RNF144B: variants seen among roughly 807,000 people sequenced by gnomAD.
RNF144B encodes the protein E3 ubiquitin-protein ligase RNF144B.
In RNF144B, 25 loss-of-function variants were observed where a neutral mutation model predicts 40.2. That is an observed-to-expected ratio of 0.62 (90% CI 0.45 to 0.87). The LOEUF is 0.87. Among genes scored for constraint, RNF144B ranks in the 40% least tolerant of loss-of-function variants. The probability of loss-of-function intolerance (pLI) is 0.00; values close to 1 mark genes in which losing one functional copy is unlikely to be tolerated. For missense variants in RNF144B, 365 were observed against 373.7 expected, an observed-to-expected ratio of 0.98 and a Z score of 0.19; for synonymous variants, 145 against 136.3, an observed-to-expected ratio of 1.06 and a Z score of -0.44.
intron 1 of RNF144B, among the ~76,000 whole-genome samples, chr6:18,399,289 G>A (rs1794750637): frequency 6.6e-6 from 1 of 152,132 alleles, no homozygotes; most frequent in South Asian, 2.1e-4. Flanking sequence ...TGTGAATCAG[G>A]ACAGTGAGGT....
At position 18,458,141 on chromosome 6, in the gene RNF144B, T is replaced by C. The variant is rs1175144357; in HGVS notation, c.536+782T>C. Reference sequence around the variant, plus strand: ...TTAGTAGAGATGGGGTTTCACCATATTGGCCAGGCTGGTCTTGAAATCCTG... The same window carrying C: ...TTAGTAGAGATGGGGTTTCACCATACTGGCCAGGCTGGTCTTGAAATCCTG... On this transcript the variant is annotated intron_variant, in intron 5 of 7. Transcript: ENST00000259939. This position sits in a 1 kb window ranked among gnomAD's most constrained non-coding sequence, Gnocchi z 4.8. 6.6e-6 allele frequency among the ~76,000 whole-genome samples: 1 copy of C among 152,136 alleles called. No individual in the cohort carries two copies. The highest frequency in any genetic ancestry group is 2.4e-5 in the African/African-American group (1 of 41,416).
In RNF144B at chr6:18,465,059, AC is replaced by A; in HGVS notation, c.905del (p.Thr302LysfsTer21). ...RGKKKKHDPS[T>X]T ...CAAGAAGAAAAAGCACGACCCATCCACAACCTAAAGATCTCTGTGTTCATAC... is the reference window on the plus strand; with the variant it reads ...CAAGAAGAAAAAGCACGACCCATCCAAACCTAAAGATCTCTGTGTTCATAC... On this transcript the variant is annotated frameshift_variant, in exon 8 of 8. Coordinates refer to ENST00000259939, the MANE Select transcript of RNF144B (RefSeq NM_182757.4). LOFTEE classifies it high-confidence loss of function. 6.2e-7 allele frequency: 1 copy of A among 1,613,674 alleles called. No individual in the cohort carries two copies. The highest frequency in any genetic ancestry group is 8.5e-7 in the Non-Finnish European group (1 of 1,179,850).
At chr6:18,435,186 C>T (rs2113509321) in intron 3 of RNF144B, among the ~76,000 whole-genome samples, 1 of 152,186 alleles carries the variant, frequency 6.6e-6, no homozygotes, top group East Asian at 1.9e-4. Context: ...TTCTGTTTAA[C>T]AATAAATAAA....
chr6:18,407,492 T>A (rs980010360), intron 2 of RNF144B, among the ~76,000 whole-genome samples: 1 of 152,206 alleles, frequency 6.6e-6, no homozygotes, highest in African/African-American at 2.4e-5. Flanking sequence ...CATATATAGC[T>A]CTACTCTTTT....
At chr6:18,408,522 G>A (rs965295920) in intron 2 of RNF144B, among the ~76,000 whole-genome samples, 13 of 152,170 alleles carry the variant, frequency 8.5e-5, no homozygotes, top group African/African-American at 3.1e-4. Context: ...CATGACTGTA[G>A]TGGAAACTGT....
chr6:18,397,544 G>A (rs1372958309), intron 1 of RNF144B, among the ~76,000 whole-genome samples: 1 of 152,144 alleles, frequency 6.6e-6, no homozygotes, highest in Admixed American at 6.5e-5. Context: ...CTCTTTTAAA[G>A]ATAAAGATTC....
rs186881783 is a variant in RNF144B, at chr6:18,446,068, C to T, written c.331+6324C>T. 8.5e-4 allele frequency among the ~76,000 whole-genome samples: 129 copies of T among 152,330 alleles called. No individual in the cohort carries two copies. The highest frequency in any genetic ancestry group is 1.5e-3 in the Non-Finnish European group (101 of 68,030). ...AGCTCTTCATGTGATAGCAATCTGA[C>T]TTCCAGCTGGTGTCTACCAGTTTGT... On this transcript the variant is annotated intron_variant, in intron 4 of 7. Transcript: ENST00000259939. This position sits in a 1 kb window ranked among gnomAD's most constrained non-coding sequence, Gnocchi z 4.7.
Position 18,464,417 on chromosome 6 carries a change from G to T in RNF144B, c.772-510G>T, listed in dbSNP as rs9477753. 0.17 allele frequency among the ~76,000 whole-genome samples: 26,094 copies of T among 152,172 alleles called. 2,422 individuals carry two copies. The highest frequency in any genetic ancestry group is 0.26 in the African/African-American group (10,877 of 41,514). On this transcript the variant is annotated intron_variant, in intron 7 of 7. Coordinates refer to ENST00000259939, the MANE Select transcript of RNF144B (RefSeq NM_182757.4). The surrounding 1 kb of genome is among the most constrained non-coding windows in gnomAD (Gnocchi z 6.1). Reference sequence around the variant, plus strand: ...ATCTCTCTGGCTTCTCTCCAATTCAGATCATTGCTGGGCACTAGCTGAAAG... The same window carrying T: ...ATCTCTCTGGCTTCTCTCCAATTCATATCATTGCTGGGCACTAGCTGAAAG...
At chr6:18,390,703 C>T (rs185865615) in intron 1 of RNF144B, among the ~76,000 whole-genome samples, 93 of 152,348 alleles carry the variant, frequency 6.1e-4, no homozygotes, top group Admixed American at 3.8e-3. Flanking sequence ...AACAAGACAA[C>T]TCGTTTCTGT....
chr6:18,424,519 G>A (rs975972828), intron 2 of RNF144B, among the ~76,000 whole-genome samples: 3 of 152,120 alleles, frequency 2.0e-5, no homozygotes, highest in Non-Finnish European at 4.4e-5. Flanking sequence ...ACCCAAAATC[G>A]TGGGTCATAT....
chr6:18,451,906 A>G (rs888659843), intron 4 of RNF144B, among the ~76,000 whole-genome samples: 1 of 152,252 alleles, frequency 6.6e-6, no homozygotes, highest in African/African-American at 2.4e-5. Flanking sequence ...TTTAAGTGCT[A>G]TATGGAAAGT....
At chr6:18,449,887 A>C (rs777731796) in intron 4 of RNF144B, among the ~76,000 whole-genome samples, 18 of 152,338 alleles carry the variant, frequency 1.2e-4, no homozygotes, top group Middle Eastern at 3.4e-3. Context: ...GTAGTTACCC[A>C]GTTGAAAGAG....
Position 18,416,443 on chromosome 6 carries a change from AT to A in RNF144B, c.166-11135del, listed in dbSNP as rs1795150448. Among the ~76,000 whole-genome samples, 1 of 152,116 alleles carries A rather than the reference AT, an allele frequency of 6.6e-6. No individual in the cohort carries two copies. The highest frequency in any genetic ancestry group is 1.5e-5 in the Non-Finnish European group (1 of 68,022). On this transcript the variant is annotated intron_variant, in intron 2 of 7. Transcript: ENST00000259939. The surrounding 1 kb of genome is among the most constrained non-coding windows in gnomAD (Gnocchi z 5.5). Reference sequence around the variant, plus strand: ...TTCCAATGGGTTTCTCTTCAGAGCTATTTCTGTCATAGAGTTTCTTAATTTA... The same window carrying A: ...TTCCAATGGGTTTCTCTTCAGAGCTATTCTGTCATAGAGTTTCTTAATTTA...
chr6:18,431,228 A>AAAAAAAT (rs1019918914), intron 3 of RNF144B, among the ~76,000 whole-genome samples: 6 of 149,738 alleles, frequency 4.0e-5, no homozygotes, highest in Non-Finnish European at 9.0e-5. Flanking sequence ...TCCATCTCAA[A>AAAAAAAT]AAAAAATAAA....
chr6:18,417,403 G>A (rs967361240), intron 2 of RNF144B, among the ~76,000 whole-genome samples: 12 of 152,270 alleles, frequency 7.9e-5, no homozygotes, highest in Middle Eastern at 6.8e-3. Context: ...AGAATTGAGA[G>A]TCCATAAATA....
In RNF144B at chr6:18,434,525, C is replaced by T. The variant is rs1321210350; in HGVS notation, c.271-5159C>T. Among the ~76,000 whole-genome samples the T allele has an allele frequency of 6.6e-6, 1 of 152,074 alleles. No homozygotes were observed. Among genetic ancestry groups the T allele is most frequent in the Non-Finnish European group, 1.5e-5 (1 of 68,012 alleles). ...TTGTGTGTAACAGTTACAGCACTCC[C>T]GTGTGTAGGTGTGGTCTGGCTTCCC... On this transcript the variant is annotated intron_variant, in intron 3 of 7. Transcript: ENST00000259939. The surrounding 1 kb of genome is among the most constrained non-coding windows in gnomAD (Gnocchi z 4.1).
rs538593590 is a variant in RNF144B at position 18,395,479 on chromosome 6, T to C, written c.-36-4020T>C. Among the ~76,000 whole-genome samples, 19 of 152,174 alleles carry C rather than the reference T, an allele frequency of 1.2e-4. No homozygotes were observed. The highest frequency in any genetic ancestry group is 2.2e-4 in the Non-Finnish European group (15 of 68,010). On this transcript the variant is annotated intron_variant, in intron 1 of 7. Coordinates refer to ENST00000259939, the MANE Select transcript of RNF144B (RefSeq NM_182757.4). The surrounding 1 kb of genome is among the most constrained non-coding windows in gnomAD (Gnocchi z 4.5). ...GAGCCATTCACAGGCATCTCAGGTGTGGGGAAATTCATTAGAGGCTTTCAG... is the reference window on the plus strand; with the variant it reads ...GAGCCATTCACAGGCATCTCAGGTGCGGGGAAATTCATTAGAGGCTTTCAG...
rs1794681321 is a variant in RNF144B, at chr6:18,395,677, T to A, written c.-36-3822T>A. Among the ~76,000 whole-genome samples the A allele has an allele frequency of 1.3e-5, 2 of 152,174 alleles. No homozygotes were observed. Among genetic ancestry groups the A allele is most frequent in the South Asian group, 4.1e-4 (2 of 4,830 alleles). ...AGTGAGAAACGAAAGGGTTGGTTTTTAGTCTGTGCATGGTGCAGGTTTAGG... is the reference window on the plus strand; with the variant it reads ...AGTGAGAAACGAAAGGGTTGGTTTTAAGTCTGTGCATGGTGCAGGTTTAGG... On this transcript the variant is annotated intron_variant, in intron 1 of 7. Coordinates refer to ENST00000259939, the MANE Select transcript of RNF144B (RefSeq NM_182757.4). The surrounding 1 kb of genome is among the most constrained non-coding windows in gnomAD (Gnocchi z 4.5).
rs61128858 is a variant in RNF144B at position 18,448,688 on chromosome 6, GCA to G, written c.332-8439_332-8438del. Among the ~76,000 whole-genome samples, 828 of 144,510 alleles carry G rather than the reference GCA, an allele frequency of 5.7e-3. 5 individuals are homozygous for G. Among genetic ancestry groups the G allele is most frequent in the African/African-American group, 0.017 (675 of 39,516 alleles). 94.8% of individuals were successfully genotyped at this position (144,510 alleles called of 152,430 possible). A position where few individuals can be genotyped will look rare whatever the true frequency, so the allele number is the denominator to read the frequency against. The stretch of plus-strand genomic sequence containing the variant: ...TCCATTTTATTTTGAAAGCCAGCAT[GCA>G]CACACACACACACACACACACACAC... On this transcript the variant is annotated intron_variant, in intron 4 of 7. Transcript: ENST00000259939. The surrounding 1 kb of genome is among the most constrained non-coding windows in gnomAD (Gnocchi z 4.0).
Sources: allele counts gnomAD v4.1 joint callset (sites outside exome capture counted in the v4.1 genomes callset), GRCh38; gene constraint gnomAD v4.1.1; non-coding constraint Gnocchi (gnomAD v3.1); transcripts MANE v1.5; gene names NCBI Gene and HGNC (gene_info 2026-07-23, HGNC 2026-07-21).